The following PTPRQ variants were observed in gnomAD, a reference collection of about 807,000 sequenced individuals.
PTPRQ encodes protein tyrosine phosphatase receptor type Q.
In PTPRQ, 199 loss-of-function variants were observed where a neutral mutation model predicts 246.0. The observed-to-expected ratio is 0.81, with a 90% confidence interval of 0.72 to 0.91. The LOEUF (loss-of-function observed/expected upper bound fraction) is 0.91. PTPRQ is among the 40% of genes least tolerant of loss of function. PTPRQ has a pLI of 0.00. For synonymous variants in PTPRQ, 869 were observed against 853.2 expected (o/e 1.02, Z -0.32); for missense variants, 2,624 against 2,528.4 (o/e 1.04, Z -0.81).
chr12:80,580,474 C>T (rs1238881079), intron 25 of PTPRQ, among the ~76,000 whole-genome samples: 1 of 152,146 alleles, frequency 6.6e-6, no homozygotes, highest in Non-Finnish European at 1.5e-5. Context: ...ATTCTCCATG[C>T]TGAAATGAGT....
At chr12:80,533,333 T>C (rs922975249) in intron 17 of PTPRQ, among the ~76,000 whole-genome samples, 11 of 152,026 alleles carry the variant, frequency 7.2e-5, no homozygotes, top group African/African-American at 2.2e-4. Context: ...GATTTTGATA[T>C]GTACTTGGAG....
chr12:80,546,396 G>T (rs1277220075), intron 23 of PTPRQ, among the ~76,000 whole-genome samples, 160 bp from the exon 24 acceptor site: 14 of 151,990 alleles, frequency 9.2e-5, no homozygotes, highest in Non-Finnish European at 2.1e-4. Context: ...ACACTCTATG[G>T]CACAAAATAA....
intron 6 of PTPRQ, among the ~76,000 whole-genome samples, chr12:80,463,093 A>C (rs957817512): frequency 6.6e-6 from 1 of 152,184 alleles, no homozygotes; most frequent in East Asian, 1.9e-4. Flanking sequence ...AATTCAAACC[A>C]AAGGCAAAGA....
At chr12:80,660,715 A>G (rs1336130815) in intron 39 of PTPRQ, among the ~76,000 whole-genome samples, 1 of 152,092 alleles carries the variant, frequency 6.6e-6, no homozygotes, top group Admixed American at 6.6e-5. Flanking sequence ...TAACATTAGA[A>G]ACATCAGATT....
At chr12:80,482,437 G>C (rs1345897210) in intron 8 of PTPRQ, among the ~76,000 whole-genome samples, 4 of 151,940 alleles carry the variant, frequency 2.6e-5, no homozygotes, top group Admixed American at 6.6e-5. Flanking sequence ...AGAAAACCTA[G>C]GCAATACCAT....
intron 29 of PTPRQ, 98 bp from the exon 30 acceptor site, chr12:80,616,102 T>G: frequency 1.5e-6 from 1 of 658,128 alleles, no homozygotes; most frequent in South Asian, 5.8e-5. Context: ...TATAACTATA[T>G]ATATACATAC....
intron 28 of PTPRQ, among the ~76,000 whole-genome samples, chr12:80,611,505 C>T (rs1194376555): frequency 1.3e-5 from 2 of 150,216 alleles, no homozygotes; most frequent in East Asian, 2.0e-4. Context: ...TGTTCCTATT[C>T]GTCTGCCAAG....
At chr12:80,625,449 T>A (rs1899162657) in intron 33 of PTPRQ, among the ~76,000 whole-genome samples, 1 of 152,168 alleles carries the variant, frequency 6.6e-6, no homozygotes, top group South Asian at 2.1e-4. Context: ...GAGTTGCCTG[T>A]CTGTTGAAAC....
rs1187228306 is a variant in PTPRQ at position 80,549,713 on chromosome 12, G to T, written c.4264G>T (p.Val1422Phe). The part of the protein sequence containing the change: ...AGEGDESTCH[V>F]STLPETVPSV... ...TGAAGGTGATGAAAGCACATGCCAT[G>T]TCAGCACACTACCTGAAACAGGTAA... is the stretch of plus-strand genomic sequence containing the variant. Residue 1422 changes from valine (V) to phenylalanine (F), a missense_variant, in exon 25 of 45, where the codon GTC becomes TTC. Val to Phe is a conservative substitution (Grantham distance 50, BLOSUM62 -1). Transcript: ENST00000644991. 1 of 1,549,452 alleles carries T rather than the reference G, an allele frequency of 6.5e-7. No individual in the cohort carries two copies. Among genetic ancestry groups the T allele is most frequent in the African/African-American group, 1.4e-5 (1 of 73,046 alleles).
chr12:80,519,421 C>T (rs1053271506), intron 17 of PTPRQ, among the ~76,000 whole-genome samples: 3 of 152,154 alleles, frequency 2.0e-5, no homozygotes, highest in African/African-American at 7.2e-5. Flanking sequence ...AAAAATCTCA[C>T]AATCTAAAAA....
intron 9 of PTPRQ, among the ~76,000 whole-genome samples, chr12:80,486,664 T>A (rs530765149): frequency 1.3e-5 from 2 of 152,314 alleles, no homozygotes; most frequent in East Asian, 3.9e-4. Flanking sequence ...TTTTCCTTTC[T>A]TTGACCTTGG....
At chr12:80,582,450 G>A (rs1413876949) in intron 25 of PTPRQ, among the ~76,000 whole-genome samples, 1 of 152,108 alleles carries the variant, frequency 6.6e-6, no homozygotes, top group African/African-American at 2.4e-5. Flanking sequence ...AGAAGGTGAG[G>A]CCTTTCAGAG....
chr12:80,586,482 G>C (rs1897623234), intron 25 of PTPRQ: 1 of 151,676 alleles, frequency 6.6e-6, no homozygotes, highest in African/African-American at 2.4e-5. Context: ...GTGGAAGTCA[G>C]TGTGGCGATT....
chr12:80,540,937 A>G (rs1393314977), intron 20 of PTPRQ, among the ~76,000 whole-genome samples: 2 of 152,106 alleles, frequency 1.3e-5, no homozygotes, highest in Non-Finnish European at 2.9e-5. Context: ...TGGATGTCAA[A>G]TTTACGTTAA....
chr12:80,534,161 A>C lies in PTPRQ; in HGVS notation c.2825A>C (p.Gln942Pro), dbSNP rs1440367588. 4 of 1,536,110 alleles carry C rather than the reference A, an allele frequency of 2.6e-6. No individual in the cohort carries two copies. Among genetic ancestry groups the C allele is most frequent in the Non-Finnish European group, 3.5e-6 (4 of 1,140,016 alleles). ...ACAAGAAGCAATATCATTAGCTTTCAAACACCAGAGGGAGGTGAGTTAAGG... is the reference window on the plus strand; with the variant it reads ...ACAAGAAGCAATATCATTAGCTTTCCAACACCAGAGGGAGGTGAGTTAAGG... ...GKTRSNIISF[Q>P]TPEGAPSDPP... Residue 942 changes from glutamine to proline, a missense_variant, in exon 18 of 45, where the codon CAA (glutamine) becomes CCA (proline). Coordinates refer to ENST00000644991, the MANE Select transcript of PTPRQ (RefSeq NM_001145026.2).
chr12:80,490,938 A>T (rs1894428344), intron 9 of PTPRQ, among the ~76,000 whole-genome samples: 1 of 151,948 alleles, frequency 6.6e-6, no homozygotes, highest in Admixed American at 6.6e-5. Flanking sequence ...TAAGAGGTTA[A>T]GTGTGAGAAA....
intron 32 of PTPRQ, 102 bp from the exon 33 acceptor site, chr12:80,621,959 C>T: frequency 2.5e-6 from 2 of 815,020 alleles, no homozygotes; most frequent in Non-Finnish European, 3.4e-6. Flanking sequence ...AATTCATTTT[C>T]TTTTGAATTA....
At chr12:80,537,377 C>T (rs1592628177) in intron 19 of PTPRQ, among the ~76,000 whole-genome samples, 1 of 152,086 alleles carries the variant, frequency 6.6e-6, no homozygotes, top group Non-Finnish European at 1.5e-5. Flanking sequence ...ATATGTCATG[C>T]ATGGCATATC....
intron 25 of PTPRQ, among the ~76,000 whole-genome samples, chr12:80,578,535 C>T (rs1469986706): frequency 7.2e-5 from 11 of 151,748 alleles, no homozygotes; most frequent in Non-Finnish European, 1.0e-4. Flanking sequence ...GGGCTGCAGG[C>T]GCCTGCCACT....
Sources: gnomAD v4.1 joint callset for allele counts (sites outside exome capture counted in the v4.1 genomes callset) on GRCh38, gnomAD v4.1.1 for gene constraint, MANE v1.5 for transcripts, NCBI Gene and HGNC (gene_info 2026-07-23, HGNC 2026-07-21) for gene names.